Variants in SLC2A13 observed in about 807,000 individuals in gnomAD.
SLC2A13 encodes the protein solute carrier family 2 member 13, also known as proton myo-inositol cotransporter.
A neutral mutation model predicts 64.4 loss-of-function variants in SLC2A13; 32 were observed. That is an observed-to-expected ratio of 0.50 (90% CI 0.37 to 0.67). The LOEUF (loss-of-function observed/expected upper bound fraction) is 0.67. Among genes scored for constraint, SLC2A13 ranks in the 30% least tolerant of loss-of-function variants. SLC2A13 has a pLI of 0.00. For missense variants in SLC2A13, 743 were observed against 829.2 expected (o/e 0.90, Z 1.28); for synonymous variants, 338 against 327.1 (o/e 1.03, Z -0.36).
Position 39,900,231 on chromosome 12 carries a change from A to T in SLC2A13, c.1035-28270T>A, listed in dbSNP as rs577236351. On this transcript the variant is annotated intron_variant, in intron 4 of 9. Coordinates refer to ENST00000280871, the MANE Select transcript of SLC2A13 (RefSeq NM_052885.4). ...TATCTATGACAACCCCACAGCCAAT[A>T]TCATACTGAATGGGCAAAAACTGGA... is the stretch of plus-strand genomic sequence containing the variant. Among the ~76,000 whole-genome samples the T allele has an allele frequency of 5.9e-5, 9 of 152,280 alleles. No homozygotes were observed. The South Asian group carries it at 1.9e-3, about 32-fold the overall frequency.
intron 3 of SLC2A13, among the ~76,000 whole-genome samples, chr12:39,952,336 A>G (rs1946245899): frequency 6.6e-6 from 1 of 152,174 alleles, no homozygotes; most frequent in Non-Finnish European, 1.5e-5. Flanking sequence ...ATGGCCTGGG[A>G]TCACTGCAAT....
At chr12:39,833,794 T>C (rs1470469780) in intron 6 of SLC2A13, among the ~76,000 whole-genome samples, 2 of 151,858 alleles carry the variant, frequency 1.3e-5, no homozygotes, top group Non-Finnish European at 2.9e-5. Context: ...GAAGATGGCC[T>C]TGTCTTTGTT....
intron 4 of SLC2A13, among the ~76,000 whole-genome samples, chr12:39,949,131 T>G (rs1394266755): frequency 6.6e-6 from 1 of 152,152 alleles, no homozygotes; most frequent in African/African-American, 2.4e-5. Flanking sequence ...TTACACTAAA[T>G]TTTATGGGCT....
At chr12:40,063,654 G>T (rs566177557) in intron 1 of SLC2A13, among the ~76,000 whole-genome samples, 1 of 152,032 alleles carries the variant, frequency 6.6e-6, no homozygotes, top group African/African-American at 2.4e-5. Flanking sequence ...AGCCATGCAC[G>T]TTCATTTGGA....
intron 1 of SLC2A13, among the ~76,000 whole-genome samples, chr12:40,058,087 AGATT>A (rs546629291): frequency 2.9e-3 from 400 of 139,070 alleles, no homozygotes; most frequent in Non-Finnish European, 3.6e-3. Context: ...ATAGATAGAT[AGATT>A]GATTTACTAT....
intron 7 of SLC2A13, among the ~76,000 whole-genome samples, chr12:39,785,175 C>T (rs990142382): frequency 1.3e-5 from 2 of 152,164 alleles, no homozygotes; most frequent in Admixed American, 1.3e-4. Context: ...ACAGCAGCCC[C>T]TCCCATCACA....
intron 7 of SLC2A13, among the ~76,000 whole-genome samples, chr12:39,828,944 T>A (rs576021559): frequency 6.1e-4 from 93 of 152,276 alleles, no homozygotes; most frequent in African/African-American, 2.2e-3. Context: ...GGATTTTTAC[T>A]CAACTAACAT....
chr12:39,905,443 G>A (rs1945245765), intron 4 of SLC2A13, among the ~76,000 whole-genome samples: 1 of 152,136 alleles, frequency 6.6e-6, no homozygotes, highest in African/African-American at 2.4e-5. Flanking sequence ...ACTCCAGGCT[G>A]AATGTATCAT....
At chr12:40,088,572 A>G (rs1938662169) in intron 1 of SLC2A13, among the ~76,000 whole-genome samples, 1 of 152,182 alleles carries the variant, frequency 6.6e-6, no homozygotes, top group African/African-American at 2.4e-5. Flanking sequence ...GCTGTAGAAA[A>G]GCTAGGGGTC....
intron 2 of SLC2A13, among the ~76,000 whole-genome samples, chr12:40,045,556 A>G (rs536024825): frequency 1.2e-4 from 18 of 150,824 alleles, no homozygotes; most frequent in African/African-American, 4.1e-4. Context: ...AACAGAAGAC[A>G]ATAACAGAGA....
At chr12:39,895,216 C>T (rs1196261279) in intron 4 of SLC2A13, among the ~76,000 whole-genome samples, 1 of 151,864 alleles carries the variant, frequency 6.6e-6, no homozygotes, top group Admixed American at 6.6e-5. Flanking sequence ...AAATGTACCT[C>T]AGGATGTAAC....
intron 3 of SLC2A13, among the ~76,000 whole-genome samples, chr12:40,014,658 A>AT (rs1480103372): frequency 3.3e-5 from 5 of 151,806 alleles, no homozygotes; most frequent in Admixed American, 2.6e-4. Flanking sequence ...TGCCCAGCTG[A>AT]TTTTTTTGTA....
At chr12:40,103,423 A>T (rs2136311140) in intron 1 of SLC2A13, among the ~76,000 whole-genome samples, 1 of 152,312 alleles carries the variant, frequency 6.6e-6, no homozygotes, top group East Asian at 1.9e-4. Flanking sequence ...AAAGCTTAGC[A>T]AGTTCTACGT....
At chr12:39,933,609 G>A (rs11174359) in intron 4 of SLC2A13, among the ~76,000 whole-genome samples, 28,513 of 152,024 alleles carry the variant, frequency 0.19, 2,958 homozygotes, top group East Asian at 0.27. Context: ...TCATTATTTC[G>A]TCTGAAAATT....
At chr12:39,885,125 G>T (rs985402884) in intron 4 of SLC2A13, among the ~76,000 whole-genome samples, 3 of 152,200 alleles carry the variant, frequency 2.0e-5, no homozygotes, top group African/African-American at 7.2e-5. Context: ...AAATGGAAAA[G>T]GAGCTCTGTG....
At chr12:39,849,378 C>G (rs987057662) in intron 6 of SLC2A13, among the ~76,000 whole-genome samples, 2 of 152,080 alleles carry the variant, frequency 1.3e-5, no homozygotes, top group African/African-American at 4.8e-5. Context: ...AGAGTTAATG[C>G]TTCATCCCAT....
At chr12:40,067,920 T>C (rs761329887) in intron 1 of SLC2A13, among the ~76,000 whole-genome samples, 6 of 152,148 alleles carry the variant, frequency 3.9e-5, no homozygotes, top group South Asian at 4.1e-4. Context: ...TTTTTCTTGT[T>C]GAAGAAAGGG....
intron 4 of SLC2A13, among the ~76,000 whole-genome samples, chr12:39,909,053 G>A (rs1023044222): frequency 7.2e-5 from 11 of 151,908 alleles, no homozygotes; most frequent in African/African-American, 2.7e-4. Context: ...GAGGCAAGTT[G>A]TGCTCACAAG....
At chr12:39,872,027 G>GA (rs1409438285) in intron 4 of SLC2A13, 66 bp from the exon 5 acceptor site, 2 of 1,348,102 alleles carry the variant, frequency 1.5e-6, no homozygotes, top group Non-Finnish European at 2.0e-6. Flanking sequence ...TATTTTGATA[G>GA]AAAAAGATGT....
Sources: gnomAD v4.1 joint callset for allele counts (sites outside exome capture counted in the v4.1 genomes callset) on GRCh38, gnomAD v4.1.1 for gene constraint, MANE v1.5 for transcripts, NCBI Gene and HGNC (gene_info 2026-07-23, HGNC 2026-07-21) for gene names.